Variants in BICC1 observed in about 807,000 individuals in gnomAD.
BICC1 encodes the protein protein bicaudal C homolog 1.
A neutral mutation model predicts 111.0 loss-of-function variants in BICC1; 43 were observed. That is an observed-to-expected ratio of 0.39 (90% CI 0.30 to 0.50). The LOEUF (loss-of-function observed/expected upper bound fraction) is 0.50. Among genes scored for constraint, BICC1 ranks in the 20% least tolerant of loss-of-function variants. BICC1 has a pLI of 0.88. For missense variants in BICC1, 1,091 were observed against 1,203.2 expected, an observed-to-expected ratio of 0.91 and a Z score of 1.38; for synonymous variants, 467 against 434.4, an observed-to-expected ratio of 1.07 and a Z score of -0.93.
At chr10:58,752,140 A>C (rs1395762684) in intron 3 of BICC1, among the ~76,000 whole-genome samples, 1 of 152,154 alleles carries the variant, frequency 6.6e-6, no homozygotes, top group African/African-American at 2.4e-5. Flanking sequence ...GAGCAAACCC[A>C]CTTTGCTATA....
intron 1 of BICC1, among the ~76,000 whole-genome samples, chr10:58,618,335 C>T (rs1564515755): frequency 6.6e-6 from 1 of 152,242 alleles, no homozygotes; most frequent in Non-Finnish European, 1.5e-5. Context: ...AGCGCATGTA[C>T]ACAATTCCAC....
At chr10:58,796,641 C>G in intron 10 of BICC1, 115 bp downstream of exon 10, 1 of 1,002,736 alleles carries the variant, frequency 1.0e-6, no homozygotes, top group Non-Finnish European at 1.4e-6. Context: ...CCTTTGGGCT[C>G]TAAGATCAGA....
intron 3 of BICC1, among the ~76,000 whole-genome samples, chr10:58,782,015 GTC>G (rs1453662518): frequency 8.5e-5 from 13 of 152,278 alleles, no homozygotes; most frequent in Admixed American, 1.3e-4. Flanking sequence ...GTTGGTGACT[GTC>G]TCTGCATGCA....
At chr10:58,755,497 A>G (rs1235927689) in intron 3 of BICC1, among the ~76,000 whole-genome samples, 1 of 152,162 alleles carries the variant, frequency 6.6e-6, no homozygotes, top group Non-Finnish European at 1.5e-5. Context: ...AGACTGAGAA[A>G]TCACTGGGCT....
At chr10:58,691,497 G>A (rs985484223) in intron 2 of BICC1, among the ~76,000 whole-genome samples, 13 of 152,138 alleles carry the variant, frequency 8.5e-5, no homozygotes, top group Admixed American at 2.0e-4. Flanking sequence ...CACACACCAC[G>A]AAAATTGTCT....
intron 1 of BICC1, among the ~76,000 whole-genome samples, chr10:58,557,464 C>T (rs969164448): frequency 6.6e-6 from 1 of 151,542 alleles, no homozygotes; most frequent in Non-Finnish European, 1.5e-5. Context: ...TTCTGTTTCT[C>T]CTTCATTGGG....
rs61692850 is a variant in BICC1, at chr10:58,555,306, A to ATTT, written c.190+41999_190+42001dup. On this transcript the variant is annotated intron_variant, in intron 1 of 20. Transcript: ENST00000373886. ...CTGAAGAGAATAGAGGCTGTTGGAC[A>ATTT]TTTTTTTTTTTTTTTTTTTTTTTTT... 6.4e-3 allele frequency among the ~76,000 whole-genome samples: 656 copies of ATTT among 102,472 alleles called. 41 individuals carry two copies. The highest frequency in any genetic ancestry group is 0.024 in the African/African-American group (619 of 25,768). The allele number at this position is 102,472 out of a possible 152,430, so 67.2% of individuals were successfully genotyped here. A position where few individuals can be genotyped will look rare whatever the true frequency, so the allele number is the denominator to read the frequency against.
intron 3 of BICC1, among the ~76,000 whole-genome samples, chr10:58,734,395 G>A (rs12243547): frequency 0.037 from 5,699 of 152,280 alleles, 399 homozygotes; most frequent in African/African-American, 0.13. Context: ...ATGCTGACAT[G>A]GTTGAATTTA....
chr10:58,548,760 T>C (rs1312931962), intron 1 of BICC1, among the ~76,000 whole-genome samples: 1 of 152,172 alleles, frequency 6.6e-6, no homozygotes, highest in East Asian at 1.9e-4. Flanking sequence ...ACATCATATT[T>C]ATGTATATGC....
At chr10:58,572,791 A>G (rs1248134835) in intron 1 of BICC1, among the ~76,000 whole-genome samples, 1 of 152,146 alleles carries the variant, frequency 6.6e-6, no homozygotes, top group African/African-American at 2.4e-5. Flanking sequence ...ATGTGAGAAC[A>G]CCAGATAGCC....
Position 58,534,864 on chromosome 10 carries a change from A to G in BICC1, c.190+21531A>G, listed in dbSNP as rs567862407. 2.6e-5 allele frequency among the ~76,000 whole-genome samples: 4 copies of G among 151,488 alleles called. No homozygotes were observed. In the South Asian group the frequency reaches 8.3e-4, roughly 31 times the overall value. On this transcript the variant is annotated intron_variant, in intron 1 of 20. Coordinates refer to ENST00000373886, the MANE Select transcript of BICC1 (RefSeq NM_001080512.3). The stretch of plus-strand genomic sequence containing the variant: ...AAAAAAATTAGGATATCAATGAAAA[A>G]TTTTTTTTTAAAGAGATAGATTTTT...
At chr10:58,603,629 C>T (rs1356537398) in intron 1 of BICC1, among the ~76,000 whole-genome samples, 2 of 152,092 alleles carry the variant, frequency 1.3e-5, no homozygotes, top group East Asian at 3.9e-4. Context: ...AATGTATTAG[C>T]AAGTTAAAAG....
chr10:58,618,560 C>G (rs1845695728), intron 1 of BICC1, among the ~76,000 whole-genome samples: 1 of 152,186 alleles, frequency 6.6e-6, no homozygotes, highest in Admixed American at 6.5e-5. Context: ...TGTCACAACT[C>G]CCCATGATTC....
intron 3 of BICC1, among the ~76,000 whole-genome samples, chr10:58,703,568 G>A (rs1470059944): frequency 6.6e-6 from 1 of 152,144 alleles, no homozygotes; most frequent in Admixed American, 6.5e-5. Context: ...CTGTATCTTT[G>A]TATAAGCCTG....
At chr10:58,533,988 G>C (rs570010546) in intron 1 of BICC1, among the ~76,000 whole-genome samples, 1 of 151,658 alleles carries the variant, frequency 6.6e-6, no homozygotes, top group Admixed American at 6.6e-5. Context: ...GTGGCTGAAT[G>C]GATTAAAAAA....
rs1844492526 is a variant in BICC1, at chr10:58,829,259, A to G, written c.*368A>G. The G allele has an allele frequency of 7.3e-6, 1 of 137,466 alleles. No homozygotes were observed. The highest frequency in any genetic ancestry group is 8.1e-5 in the Admixed American group (1 of 12,370). 8.5% of individuals were successfully genotyped at this position (137,466 alleles called of 1,614,324 possible). On this transcript the variant is annotated 3_prime_UTR_variant, in exon 21 of 21. Coordinates refer to ENST00000373886, the MANE Select transcript of BICC1 (RefSeq NM_001080512.3). ...AGGATGAATTGACATCTGGGATGCC[A>G]GAAGACTTAGAAGTTATTTTGTTTG... is the stretch of plus-strand genomic sequence containing the variant.
At chr10:58,649,198 G>A (rs1435285982) in intron 2 of BICC1, among the ~76,000 whole-genome samples, 1 of 152,184 alleles carries the variant, frequency 6.6e-6, no homozygotes, top group Non-Finnish European at 1.5e-5. Flanking sequence ...CTTAAATATT[G>A]GGCATGTCTA....
intron 3 of BICC1, among the ~76,000 whole-genome samples, chr10:58,779,861 AGCCTGGG>A (rs1448431866): frequency 1.3e-5 from 2 of 152,228 alleles, no homozygotes; most frequent in Non-Finnish European, 2.9e-5. Flanking sequence ...GCCCTTGAGA[AGCCTGGG>A]GCTTTTTCTG....
chr10:58,514,740 G>A (rs1842195576), intron 1 of BICC1, among the ~76,000 whole-genome samples: 1 of 152,028 alleles, frequency 6.6e-6, no homozygotes, highest in African/African-American at 2.4e-5. Flanking sequence ...AACTCTTCAA[G>A]TAAGACCGTT....
Sources: gnomAD v4.1 joint callset for allele counts (sites outside exome capture counted in the v4.1 genomes callset) on GRCh38, gnomAD v4.1.1 for gene constraint, MANE v1.5 for transcripts, NCBI Gene and HGNC (gene_info 2026-07-23, HGNC 2026-07-21) for gene names.